CLSTN2: variants seen among roughly 807,000 people sequenced by gnomAD.
CLSTN2 encodes calsyntenin 2, also known as calsyntenin-2.
CLSTN2 carries 48 observed loss-of-function variants against 101.2 expected under a neutral mutation model. That is an observed-to-expected ratio of 0.47 (90% CI 0.38 to 0.60). The LOEUF is 0.60. Ranked by LOEUF, CLSTN2 falls within the 20% of genes least tolerant of loss-of-function variation. CLSTN2 has a pLI of 0.00. For synonymous variants in CLSTN2, 481 were observed against 463.6 expected, an observed-to-expected ratio of 1.04 and a Z score of -0.48; for missense variants, 1,160 against 1,238.2, an observed-to-expected ratio of 0.94 and a Z score of 0.95.
At chr3:140,365,777 T>C (rs908201119) in intron 2 of CLSTN2, among the ~76,000 whole-genome samples, 25 of 152,314 alleles carry the variant, frequency 1.6e-4, no homozygotes, top group African/African-American at 5.5e-4. Context: ...GCTTTGGAGA[T>C]AGATGGGGCA....
chr3:140,177,769 C>A (rs1179197912), intron 2 of CLSTN2, among the ~76,000 whole-genome samples: 1 of 152,088 alleles, frequency 6.6e-6, no homozygotes, highest in Admixed American at 6.6e-5. Context: ...TGCACTCTAT[C>A]CTGTGTGACA....
intron 2 of CLSTN2, among the ~76,000 whole-genome samples, chr3:140,374,684 G>T (rs551539199): frequency 6.6e-6 from 1 of 152,164 alleles, no homozygotes; most frequent in Non-Finnish European, 1.5e-5. Context: ...AGAAGAAATA[G>T]AAAACCTAAA....
chr3:140,535,146 G>A (rs536112199), intron 9 of CLSTN2, among the ~76,000 whole-genome samples: 7 of 152,284 alleles, frequency 4.6e-5, no homozygotes, highest in East Asian at 1.9e-4. Context: ...ATATGTGCAC[G>A]TGCACACATA....
intron 4 of CLSTN2, among the ~76,000 whole-genome samples, chr3:140,418,066 C>T (rs946478536): frequency 8.5e-5 from 13 of 152,210 alleles, no homozygotes; most frequent in African/African-American, 3.1e-4. Flanking sequence ...ACATTGTAAA[C>T]TCTGAGCCTT....
chr3:140,376,674 C>T (rs1208098884), intron 2 of CLSTN2, among the ~76,000 whole-genome samples: 7 of 152,144 alleles, frequency 4.6e-5, no homozygotes, highest in African/African-American at 1.7e-4. Context: ...TCCTAAATCC[C>T]ATGTCTTGTC....
intron 2 of CLSTN2, among the ~76,000 whole-genome samples, chr3:140,398,639 T>C (rs1477429137): frequency 2.0e-5 from 3 of 152,128 alleles, no homozygotes; most frequent in Non-Finnish European, 4.4e-5. Context: ...ACAAAAAGGG[T>C]GCTGACCGTA....
chr3:140,372,532 C>G (rs1236858676), intron 2 of CLSTN2, among the ~76,000 whole-genome samples: 2 of 152,136 alleles, frequency 1.3e-5, no homozygotes, highest in Non-Finnish European at 2.9e-5. Context: ...GTGTTGCCAG[C>G]TGTGATGCAC....
chr3:140,036,509 C>T (rs923513055), intron 1 of CLSTN2, among the ~76,000 whole-genome samples: 1 of 151,938 alleles, frequency 6.6e-6, no homozygotes, highest in Non-Finnish European at 1.5e-5. Flanking sequence ...TAATGATATC[C>T]AGGGGCATGG....
intron 9 of CLSTN2, among the ~76,000 whole-genome samples, chr3:140,540,127 AAGC>A (rs1935444356): frequency 6.6e-6 from 1 of 152,192 alleles, no homozygotes; most frequent in African/African-American, 2.4e-5. Context: ...GTGAAGAACA[AAGC>A]AACATTCTGG....
Position 140,203,063 on chromosome 3 carries a change from ACATG to A in CLSTN2, c.232+26991_232+26994del, listed in dbSNP as rs2010738054. 4.6e-5 allele frequency among the ~76,000 whole-genome samples: 7 copies of A among 152,308 alleles called. No individual in the cohort carries two copies. The South Asian group carries it at 1.5e-3, about 32-fold the overall frequency. ...GGGAGGATCTGGCTCCTGAATGTCT[ACATG>A]GAGTAGTACCCTCCCCTCCCAAATT... On this transcript the variant is annotated intron_variant, in intron 2 of 16. Transcript: ENST00000458420.
At chr3:140,305,054 A>ACACACTCT (rs1491321182) in intron 2 of CLSTN2, among the ~76,000 whole-genome samples, 1 of 118,234 alleles carries the variant, frequency 8.5e-6, no homozygotes, top group Admixed American at 9.1e-5. Context: ...ACACACACAC[A>ACACACTCT]CTCTCTCTCT....
intron 4 of CLSTN2, among the ~76,000 whole-genome samples, chr3:140,411,044 A>G (rs1008163989): frequency 1.3e-5 from 2 of 152,170 alleles, no homozygotes; most frequent in African/African-American, 4.8e-5. Context: ...CAACAAAACA[A>G]CCAGCAAAGG....
At chr3:140,238,798 T>TA (rs1331333550) in intron 2 of CLSTN2, among the ~76,000 whole-genome samples, 1 of 152,184 alleles carries the variant, frequency 6.6e-6, no homozygotes, top group African/African-American at 2.4e-5. Flanking sequence ...ATGTCAGCTT[T>TA]AAAAAGACTA....
intron 1 of CLSTN2, among the ~76,000 whole-genome samples, chr3:139,939,946 G>T (rs967931613): frequency 2.0e-5 from 3 of 152,166 alleles, no homozygotes; most frequent in Admixed American, 1.3e-4. Context: ...GATTCTCTGG[G>T]CATCAAGCTA....
chr3:140,364,770 C>G (rs2087767925), intron 2 of CLSTN2, among the ~76,000 whole-genome samples: 1 of 152,144 alleles, frequency 6.6e-6, no homozygotes, highest in Non-Finnish European at 1.5e-5. Flanking sequence ...ATGTGTATTA[C>G]AGCCACAGGG....
intron 4 of CLSTN2, among the ~76,000 whole-genome samples, chr3:140,410,183 G>C (rs2088347494): frequency 6.6e-6 from 1 of 151,892 alleles, no homozygotes; most frequent in Non-Finnish European, 1.5e-5. Context: ...GGACATCTAG[G>C]TACATGAAAC....
At chr3:140,110,857 C>G (rs1374654471) in intron 1 of CLSTN2, among the ~76,000 whole-genome samples, 1 of 152,148 alleles carries the variant, frequency 6.6e-6, no homozygotes, top group African/African-American at 2.4e-5. Context: ...TTCCTCATAG[C>G]CCCTAGACCA....
intron 2 of CLSTN2, among the ~76,000 whole-genome samples, chr3:140,346,342 T>A (rs1413410472): frequency 6.6e-6 from 1 of 152,176 alleles, no homozygotes; most frequent in Non-Finnish European, 1.5e-5. Context: ...GGGCTACAGA[T>A]AGCTAGAATG....
At chr3:140,533,911 G>A (rs1167816683) in intron 9 of CLSTN2, among the ~76,000 whole-genome samples, 9 of 152,082 alleles carry the variant, frequency 5.9e-5, no homozygotes, top group Admixed American at 5.9e-4. Flanking sequence ...AGGTATAAAT[G>A]AGGCAAGAGA....
Sources: gnomAD v4.1 joint callset for allele counts (sites outside exome capture counted in the v4.1 genomes callset) on GRCh38, gnomAD v4.1.1 for gene constraint, MANE v1.5 for transcripts, NCBI Gene and HGNC (gene_info 2026-07-23, HGNC 2026-07-21) for gene names.